RORB: variants seen among roughly 807,000 people sequenced by gnomAD.
RORB encodes the protein RAR related orphan receptor B, also known as nuclear receptor ROR-beta.
In RORB, 6 loss-of-function variants were observed where a neutral mutation model predicts 59.1. The observed-to-expected ratio is 0.10, with a 90% CI of 0.06 to 0.20. The LOEUF (loss-of-function observed/expected upper bound fraction) is 0.20. Ranked by LOEUF, RORB falls within the 10% of genes least tolerant of loss-of-function variation. The pLI, the probability that RORB is intolerant of heterozygous loss-of-function variation, is 1.00. For synonymous variants in RORB, 215 were observed against 204.5 expected, an observed-to-expected ratio of 1.05 and a Z score of -0.44; for missense variants, 320 against 560.5, an observed-to-expected ratio of 0.57 and a Z score of 4.33.
Position 74,685,888 on chromosome 9 carries a change from T to C in RORB, c.*270T>C, listed in dbSNP as rs1824633861. 1 of 237,202 alleles carries C rather than the reference T, an allele frequency of 4.2e-6. No homozygotes were observed. Among genetic ancestry groups the C allele is most frequent in the Non-Finnish European group, 8.1e-6 (1 of 123,964 alleles). 14.7% of individuals were successfully genotyped at this position (237,202 alleles called of 1,614,324 possible). A position where few individuals can be genotyped will look rare whatever the true frequency, so the allele number is the denominator to read the frequency against. On this transcript the variant is annotated 3_prime_UTR_variant, in exon 10 of 10. Transcript: ENST00000376896. ...CTTTTTTTAATTTTATTCGGGTATG[T>C]TTTGGGAGACAACTGTTTATAGAAT...
intron 4 of RORB, among the ~76,000 whole-genome samples, chr9:74,647,524 C>G (rs1438226645): frequency 2.0e-5 from 3 of 152,206 alleles, no homozygotes; most frequent in African/African-American, 4.8e-5. Context: ...TATTCAGTAA[C>G]TTTCTCTCCA....
At chr9:74,498,023 C>T in intron 1 of RORB, 40 bp downstream of exon 1, 1 of 1,602,358 alleles carries the variant, frequency 6.2e-7, no homozygotes, top group Non-Finnish European at 8.5e-7. Flanking sequence ...CCGAGTCCGG[C>T]CAACTCCAGC....
intron 1 of RORB, among the ~76,000 whole-genome samples, chr9:74,575,547 T>G (rs1822621314): frequency 6.6e-6 from 1 of 152,096 alleles, no homozygotes; most frequent in African/African-American, 2.4e-5. Context: ...CTGCAAAACT[T>G]TCTAACTTTC....
chr9:74,606,980 G>A (rs554534857), intron 1 of RORB, among the ~76,000 whole-genome samples: 1 of 152,308 alleles, frequency 6.6e-6, no homozygotes, highest in South Asian at 2.1e-4. Flanking sequence ...ATGAGAGATA[G>A]GAATGCTTTT....
chr9:74,548,670 T>C (rs905656157), intron 1 of RORB, among the ~76,000 whole-genome samples: 1 of 152,232 alleles, frequency 6.6e-6, no homozygotes, highest in African/African-American at 2.4e-5. Context: ...CTGAGAGCAG[T>C]GTGAACTTCG....
At chr9:74,563,259 C>T (rs1822425751) in intron 1 of RORB, among the ~76,000 whole-genome samples, 1 of 149,834 alleles carries the variant, frequency 6.7e-6, no homozygotes, top group South Asian at 2.1e-4. Flanking sequence ...AATCTCGGCT[C>T]ACTGCAACTT....
At chr9:74,661,799 C>A (rs1318917634) in intron 5 of RORB, among the ~76,000 whole-genome samples, 1 of 151,196 alleles carries the variant, frequency 6.6e-6, no homozygotes, top group Admixed American at 6.6e-5. Flanking sequence ...CGCCCCCCCA[C>A]CACGCCCAGC....
intron 1 of RORB, among the ~76,000 whole-genome samples, chr9:74,555,379 G>C (rs189976950): frequency 2.0e-5 from 3 of 152,324 alleles, no homozygotes; most frequent in Non-Finnish European, 4.4e-5. Context: ...TAAAGTGGAA[G>C]CTTGCTCATT....
intron 1 of RORB, among the ~76,000 whole-genome samples, chr9:74,526,049 A>G (rs927744948): frequency 2.6e-5 from 4 of 151,980 alleles, no homozygotes; most frequent in African/African-American, 7.2e-5. Context: ...CTCTTTCACA[A>G]TAAGAAACCA....
rs1824365982 is a variant in RORB, at chr9:74,672,563, T to A, written c.1224+662T>A. ...GGAGCAAAATCCATGCAACATGTCATCAATTTCTTGATTCAGCTTAATTAA... is the reference window on the plus strand; with the variant it reads ...GGAGCAAAATCCATGCAACATGTCAACAATTTCTTGATTCAGCTTAATTAA... On this transcript the variant is annotated intron_variant, in intron 9 of 9. Transcript: ENST00000376896. Among the ~76,000 whole-genome samples the A allele has an allele frequency of 2.6e-5, 4 of 152,188 alleles. No homozygotes were observed. In the South Asian group the frequency reaches 8.3e-4, roughly 31 times the overall value.
At chr9:74,624,944 T>C (rs1178780049) in intron 1 of RORB, among the ~76,000 whole-genome samples, 3 of 152,118 alleles carry the variant, frequency 2.0e-5, no homozygotes, top group Admixed American at 2.0e-4. Context: ...AGCTAACAGG[T>C]GAATCCAATG....
intron 1 of RORB, among the ~76,000 whole-genome samples, chr9:74,524,037 T>C (rs1224917731): frequency 2.0e-5 from 3 of 148,488 alleles, no homozygotes; most frequent in South Asian, 2.1e-4. Flanking sequence ...AAATAGTATG[T>C]ACCAAAACCT....
chr9:74,587,158 A>G (rs746923333), intron 1 of RORB, among the ~76,000 whole-genome samples: 1 of 152,214 alleles, frequency 6.6e-6, no homozygotes, highest in African/African-American at 2.4e-5. Context: ...AGCCTAGTCA[A>G]TCCACGGTGG....
At chr9:74,510,656 T>C (rs1484434154) in intron 1 of RORB, among the ~76,000 whole-genome samples, 2 of 152,200 alleles carry the variant, frequency 1.3e-5, no homozygotes, top group Non-Finnish European at 2.9e-5. Flanking sequence ...AATAGGAATG[T>C]GTCCAGAGTA....
intron 3 of RORB, among the ~76,000 whole-genome samples, chr9:74,635,483 T>C (rs557864164): frequency 6.6e-6 from 1 of 152,298 alleles, no homozygotes; most frequent in African/African-American, 2.4e-5. Flanking sequence ...GAATTTCACC[T>C]AGCTTTGTTT....
In RORB at chr9:74,577,176, G is replaced by T. The variant is rs192754547; in HGVS notation, c.8-53106G>T. Among the ~76,000 whole-genome samples the T allele has an allele frequency of 2.7e-3, 405 of 151,894 alleles. 1 individual carries two copies. Among genetic ancestry groups the T allele is most frequent in the African/African-American group, 8.8e-3 (365 of 41,430 alleles). On this transcript the variant is annotated intron_variant, in intron 1 of 9. Coordinates refer to ENST00000376896, the MANE Select transcript of RORB (RefSeq NM_006914.4). ...CACTGAAGCAATTGAATTTTGCTGG[G>T]TTTTTTTTCTCTCTATGTTCATCAG... is the stretch of plus-strand genomic sequence containing the variant.
chr9:74,622,273 C>A (rs534083031), intron 1 of RORB, among the ~76,000 whole-genome samples: 1 of 151,992 alleles, frequency 6.6e-6, no homozygotes, highest in African/African-American at 2.4e-5. Context: ...TAAAGAGAGA[C>A]GAGTTTTATT....
chr9:74,555,376 G>A (rs1822272224), intron 1 of RORB, among the ~76,000 whole-genome samples: 1 of 152,228 alleles, frequency 6.6e-6, no homozygotes, highest in Admixed American at 6.5e-5. Context: ...ATTTAAAGTG[G>A]AAGCTTGCTC....
chr9:74,618,991 G>A (rs1326647513), intron 1 of RORB, among the ~76,000 whole-genome samples: 1 of 152,122 alleles, frequency 6.6e-6, no homozygotes, highest in African/African-American at 2.4e-5. Context: ...CAAAAAGGTG[G>A]CAATTTCATA....
Sources: allele counts gnomAD v4.1 joint callset (sites outside exome capture counted in the v4.1 genomes callset), GRCh38; gene constraint gnomAD v4.1.1; transcripts MANE v1.5; gene names NCBI Gene and HGNC (gene_info 2026-07-23, HGNC 2026-07-21).